NRXN3: variants seen among roughly 807,000 people sequenced by gnomAD.
NRXN3 encodes neurexin III.
In NRXN3, 32 loss-of-function variants were observed where a neutral mutation model predicts 137.6. The ratio of observed to expected loss-of-function variants is 0.23; its 90% CI spans 0.18 to 0.31. NRXN3 has a LOEUF of 0.31. Ranked by LOEUF, NRXN3 falls within the 10% of genes least tolerant of loss-of-function variation. The pLI, the probability that NRXN3 is intolerant of heterozygous loss-of-function variation, is 1.00. For missense variants in NRXN3, 1,574 were observed against 2,062.5 expected (o/e 0.76, Z 4.59); for synonymous variants, 798 against 784.5 (o/e 1.02, Z -0.29).
At chr14:79,585,720 A>C (rs567907906) in intron 16 of NRXN3, among the ~76,000 whole-genome samples, 1 of 148,848 alleles carries the variant, frequency 6.7e-6, no homozygotes. Flanking sequence ...CAACTTTGAT[A>C]AATAAAATAT....
At chr14:78,906,671 C>T (rs189745588) in intron 10 of NRXN3, among the ~76,000 whole-genome samples, 4 of 152,028 alleles carry the variant, frequency 2.6e-5, no homozygotes, top group Non-Finnish European at 4.4e-5. Context: ...TTGCAATTGC[C>T]GCACAAAGGG....
chr14:79,769,551 T>C (rs1451595270), intron 19 of NRXN3, among the ~76,000 whole-genome samples: 1 of 152,044 alleles, frequency 6.6e-6, no homozygotes, highest in African/African-American at 2.4e-5. Context: ...AGAAATAAAA[T>C]ACTTTACAGA....
chr14:79,160,198 C>T (rs2060627386), intron 15 of NRXN3, among the ~76,000 whole-genome samples: 1 of 151,718 alleles, frequency 6.6e-6, no homozygotes, highest in Non-Finnish European at 1.5e-5. Context: ...ATTTTGAAGC[C>T]CAGAACTTTA....
At chr14:79,318,881 C>T (rs181705213) in intron 15 of NRXN3, among the ~76,000 whole-genome samples, 4 of 152,178 alleles carry the variant, frequency 2.6e-5, no homozygotes, top group Non-Finnish European at 4.4e-5. Context: ...GCATTGGCTG[C>T]AGACTCTCTA....
At chr14:78,174,327 C>T (rs2153326607) in intron 1 of NRXN3, among the ~76,000 whole-genome samples, 1 of 152,302 alleles carries the variant, frequency 6.6e-6, no homozygotes, top group South Asian at 2.1e-4. Flanking sequence ...CTCTCACACA[C>T]ACCAACACGC....
At position 79,068,062 on chromosome 14, in the gene NRXN3, T is replaced by C. The variant is rs544622604; in HGVS notation, c.3262+79921T>C. Among the ~76,000 whole-genome samples the C allele has an allele frequency of 2.0e-5, 3 of 152,090 alleles. No homozygotes were observed. The East Asian group carries it at 5.8e-4, about 29-fold the overall frequency. On this transcript the variant is annotated intron_variant, in intron 15 of 20. Coordinates refer to ENST00000335750, the MANE Select transcript of NRXN3 (RefSeq NM_001330195.2). Reference sequence around the variant, plus strand: ...CCTTTCTAGATATATTTTTTCCCCTTAAAGAACTCAAAGGAGAACAGAGAC... The same window carrying C: ...CCTTTCTAGATATATTTTTTCCCCTCAAAGAACTCAAAGGAGAACAGAGAC...
chr14:78,549,596 T>A (rs1253136705), intron 4 of NRXN3, among the ~76,000 whole-genome samples: 1 of 152,206 alleles, frequency 6.6e-6, no homozygotes, highest in Non-Finnish European at 1.5e-5. Flanking sequence ...GGTGCACAGG[T>A]GACCCCAGTG....
chr14:78,551,137 A>G (rs2096684686), intron 4 of NRXN3, among the ~76,000 whole-genome samples: 1 of 152,232 alleles, frequency 6.6e-6, no homozygotes, highest in Non-Finnish European at 1.5e-5. Flanking sequence ...ATAGCATTTA[A>G]TGCTCAGTTA....
intron 19 of NRXN3, among the ~76,000 whole-genome samples, chr14:79,714,413 G>A (rs1261024116): frequency 6.6e-6 from 1 of 152,154 alleles, no homozygotes; most frequent in Non-Finnish European, 1.5e-5. Context: ...AAACGAAGCT[G>A]GAGGCTTTGA....
intron 15 of NRXN3, among the ~76,000 whole-genome samples, chr14:79,011,820 A>G (rs1426035205): frequency 6.6e-6 from 1 of 152,180 alleles, no homozygotes; most frequent in African/African-American, 2.4e-5. Context: ...ACACCTTAAC[A>G]TCAGTGTGGA....
At chr14:78,334,702 C>G (rs1193245392) in intron 4 of NRXN3, among the ~76,000 whole-genome samples, 1 of 152,110 alleles carries the variant, frequency 6.6e-6, no homozygotes, top group Non-Finnish European at 1.5e-5. Context: ...TTACGTACCA[C>G]AGTCTGAATG....
chr14:79,403,946 C>T (rs1248968506), intron 15 of NRXN3, among the ~76,000 whole-genome samples: 1 of 152,154 alleles, frequency 6.6e-6, no homozygotes, highest in African/African-American at 2.4e-5. Flanking sequence ...ACCCAAACAA[C>T]TAGATTGCAT....
At chr14:79,344,646 GT>G (rs2153371946) in intron 15 of NRXN3, among the ~76,000 whole-genome samples, 1 of 152,130 alleles carries the variant, frequency 6.6e-6, no homozygotes, top group Admixed American at 6.5e-5. Context: ...AATGTATCAT[GT>G]TTTTAGATGT....
At position 78,441,150 on chromosome 14, in the gene NRXN3, G is replaced by A. The variant is rs149670913; in HGVS notation, c.757+143290G>A. The stretch of plus-strand genomic sequence containing the variant: ...AGTTGATGGCTAGATCAAGAAACAG[G>A]AGCATGCAGTGGAGTGGAATCATCC... On this transcript the variant is annotated intron_variant, in intron 4 of 20. Transcript: ENST00000335750. Among the ~76,000 whole-genome samples, 454 of 152,278 alleles carry A rather than the reference G, an allele frequency of 3.0e-3. 8 individuals carry two copies. The highest frequency in any genetic ancestry group is 0.01 in the African/African-American group (436 of 41,560).
chr14:79,174,302 A>G (rs2062079205), intron 15 of NRXN3, among the ~76,000 whole-genome samples: 2 of 152,152 alleles, frequency 1.3e-5, no homozygotes, highest in African/African-American at 4.8e-5. Flanking sequence ...CCTTAAACCA[A>G]TGAAAAGATG....
chr14:79,237,151 A>C (rs1469580482), intron 15 of NRXN3, among the ~76,000 whole-genome samples: 1 of 151,908 alleles, frequency 6.6e-6, no homozygotes, highest in Non-Finnish European at 1.5e-5. Flanking sequence ...AAATCAACTT[A>C]TGTCTCAACA....
intron 10 of NRXN3, among the ~76,000 whole-genome samples, chr14:78,814,639 A>G (rs1337059693): frequency 1.3e-5 from 2 of 152,130 alleles, no homozygotes; most frequent in Non-Finnish European, 2.9e-5. Flanking sequence ...AACAAAAGCA[A>G]AAAGAACCAG....
intron 20 of NRXN3, among the ~76,000 whole-genome samples, chr14:79,822,731 C>T (rs181566610): frequency 7.2e-5 from 11 of 151,766 alleles, no homozygotes; most frequent in Non-Finnish European, 1.5e-4. Flanking sequence ...TTTAAGCATC[C>T]GTCACTTAGA....
intron 2 of NRXN3, among the ~76,000 whole-genome samples, chr14:78,274,324 G>A (rs111406851): frequency 5.4e-4 from 82 of 152,344 alleles, no homozygotes; most frequent in African/African-American, 1.9e-3. Context: ...CATGGCAGAA[G>A]GGGAAGCAAA....
Sources: allele counts gnomAD v4.1 joint callset (sites outside exome capture counted in the v4.1 genomes callset), GRCh38; gene constraint gnomAD v4.1.1; transcripts MANE v1.5; gene names NCBI Gene and HGNC (gene_info 2026-07-23, HGNC 2026-07-21).